The following POLR1A variants were observed in gnomAD, a reference collection of about 807,000 sequenced individuals.
POLR1A encodes DNA-directed RNA polymerase I subunit RPA1.
A neutral mutation model predicts 205.3 loss-of-function variants in POLR1A; 84 were observed. That is an observed-to-expected ratio of 0.41 (90% CI 0.34 to 0.49). The LOEUF is 0.49. POLR1A is among the 20% of genes least tolerant of loss of function. The pLI, the probability that POLR1A is intolerant of heterozygous loss-of-function variation, is 0.22. For missense variants in POLR1A, 1,645 were observed against 2,204.5 expected (o/e 0.75, Z 5.08); for synonymous variants, 799 against 863.7 (o/e 0.93, Z 1.31).
At position 86,069,909 on chromosome 2, in the gene POLR1A, C is replaced by A. The variant is rs569368624; in HGVS notation, c.1866+109G>T. On this transcript the variant is annotated intron_variant, in intron 13 of 33. Transcript: ENST00000263857. ...AGAAACCAGGACCCTCCATTCCAGG[C>A]GCCCCTGTCCTGGAGCTGCCCAATG... The A allele has an allele frequency of 5.6e-4, 665 of 1,188,600 alleles. 7 individuals are homozygous for A. Among genetic ancestry groups the A allele is most frequent in the Middle Eastern group, 2.9e-4 (1 of 3,404 alleles). The allele number at this position is 1,188,600 out of a possible 1,614,324, so 73.6% of individuals were successfully genotyped here. A position where few individuals can be genotyped will look rare whatever the true frequency, so the allele number is the denominator to read the frequency against.
At position 86,025,318 on chromosome 2, in the gene POLR1A, TAAG is replaced by T. The variant is rs1690241975; in HGVS notation, c.*2102_*2104del. The T allele has an allele frequency of 6.6e-6, 1 of 152,248 alleles. No homozygotes were observed. Among genetic ancestry groups the T allele is most frequent in the Non-Finnish European group, 1.5e-5 (1 of 68,042 alleles). The allele number at this position is 152,248 out of a possible 1,614,324, so 9.4% of individuals were successfully genotyped here. A position where few individuals can be genotyped will look rare whatever the true frequency, so the allele number is the denominator to read the frequency against. ...CATCCTCAATGGGCACTTACAGTCC[TAAG>T]AAGACTCCAAAGCCTCTGCCATCTT... On this transcript the variant is annotated 3_prime_UTR_variant, in exon 34 of 34. Coordinates refer to ENST00000263857, the MANE Select transcript of POLR1A (RefSeq NM_015425.6).
intron 31 of POLR1A, among the ~76,000 whole-genome samples, chr2:86,029,391 A>C (rs1364374121): frequency 6.6e-6 from 1 of 152,068 alleles, no homozygotes; most frequent in Non-Finnish European, 1.5e-5. Flanking sequence ...CTGTGGGGGA[A>C]ACCCAGAAAG....
chr2:86,104,533 C>A (rs1364074710), intron 1 of POLR1A, among the ~76,000 whole-genome samples: 1 of 151,578 alleles, frequency 6.6e-6, no homozygotes, highest in South Asian at 2.1e-4. Flanking sequence ...CTGCAACCTC[C>A]GCCTCCTGGG....
chr2:86,049,126 T>A (rs745556141), intron 17 of POLR1A, 34 bp downstream of exon 17: 37 of 1,609,998 alleles, frequency 2.3e-5, no homozygotes, highest in Non-Finnish European at 3.1e-5. Flanking sequence ...TTCACCCCTC[T>A]AGGGCAGGCC....
At chr2:86,039,284 C>T (rs1326530264) in intron 26 of POLR1A, 43 bp downstream of exon 26, 9 of 1,607,674 alleles carry the variant, frequency 5.6e-6, no homozygotes, top group Non-Finnish European at 7.6e-6. Context: ...GATATAGGAA[C>T]ATGCCTTCAC....
chr2:86,082,001 T>G (rs1673412166), intron 7 of POLR1A, among the ~76,000 whole-genome samples: 1 of 152,022 alleles, frequency 6.6e-6, no homozygotes, highest in African/African-American at 2.4e-5. Flanking sequence ...CCAGCTAATT[T>G]TTGTATTTTT....
In POLR1A at chr2:86,030,310, C is replaced by G. The variant is rs373607912; in HGVS notation, c.4665G>C (p.Ala1555=). 6.2e-7 allele frequency: 1 copy of G among 1,613,902 alleles called. No homozygotes were observed. Among genetic ancestry groups the G allele is most frequent in the South Asian group, 1.1e-5 (1 of 91,068 alleles). ...GGAGGCACCGAGTGATGCCCTTGGTCGCATAGATGACGGCACCATGGGCCA... is the reference window on the plus strand; with the variant it reads ...GGAGGCACCGAGTGATGCCCTTGGTGGCATAGATGACGGCACCATGGGCCA... ...VSLAHGAVIY[A]TKGITRCLLN... is the part of the protein sequence containing the mutation. Residue 1555 remains alanine, a synonymous_variant, in exon 31 of 34, where the codon GCG becomes GCC. Coordinates refer to ENST00000263857, the MANE Select transcript of POLR1A (RefSeq NM_015425.6).
chr2:86,046,391 A>G (rs1672710016), intron 19 of POLR1A, among the ~76,000 whole-genome samples: 1 of 152,202 alleles, frequency 6.6e-6, no homozygotes, highest in Non-Finnish European at 1.5e-5. Context: ...GGAGAGCAGT[A>G]TATCTAGGTT....
chr2:86,049,230 A>T lies in POLR1A; in HGVS notation c.2405T>A (p.Ile802Asn). Residue 802 changes from isoleucine to asparagine, a missense_variant, in exon 17 of 34, where the codon ATT becomes AAT. By Grantham distance (149) the Ile-to-Asn change is moderately radical. Transcript: ENST00000263857. ...YRGFTLGVEDILVKPKADVKR... is the reference protein window; with the variant it reads ...YRGFTLGVEDNLVKPKADVKR... The stretch of plus-strand genomic sequence containing the variant: ...GACATCTGCCTTTGGCTTCACCAAA[A>T]TGTCTTCCACGCCTGTGAAGTGAAA... 1 of 1,613,636 alleles carries T rather than the reference A, an allele frequency of 6.2e-7. No homozygotes were observed. The highest frequency in any genetic ancestry group is 8.5e-7 in the Non-Finnish European group (1 of 1,179,568).
chr2:86,096,671 G>A (rs1673709256), intron 3 of POLR1A, among the ~76,000 whole-genome samples: 1 of 152,098 alleles, frequency 6.6e-6, no homozygotes, highest in South Asian at 2.1e-4. Flanking sequence ...CATACACTGG[G>A]GAAAAGGACA....
chr2:86,076,133 A>C (rs1326622073), intron 11 of POLR1A, among the ~76,000 whole-genome samples: 2 of 152,234 alleles, frequency 1.3e-5, no homozygotes, highest in African/African-American at 4.8e-5. Flanking sequence ...CGCTCCAAGT[A>C]AAACAAGTTC....
At chr2:86,086,534 G>C (rs1408312344) in intron 6 of POLR1A, among the ~76,000 whole-genome samples, 1 of 152,220 alleles carries the variant, frequency 6.6e-6, no homozygotes, top group Non-Finnish European at 1.5e-5. Context: ...ACATGGTCTG[G>C]TCTGTGTCCT....
intron 14 of POLR1A, among the ~76,000 whole-genome samples, chr2:86,058,576 T>G (rs1350158162): frequency 6.7e-6 from 1 of 150,022 alleles, no homozygotes; most frequent in Non-Finnish European, 1.5e-5. Context: ...CAAGAGGAAC[T>G]GAAGTCTCCT....
intron 22 of POLR1A, 128 bp downstream of exon 22, chr2:86,044,011 A>T: frequency 1.2e-6 from 1 of 807,850 alleles, no homozygotes; most frequent in Non-Finnish European, 2.0e-6. Flanking sequence ...GTGTCTTATA[A>T]ACCCTTCCCA....
chr2:86,090,290 T>C (rs886308754), intron 3 of POLR1A, among the ~76,000 whole-genome samples: 3 of 147,392 alleles, frequency 2.0e-5, no homozygotes, highest in African/African-American at 7.6e-5. Context: ...AGCTACTTGG[T>C]AGGATGATGT....
chr2:86,045,619 G>A lies in POLR1A; in HGVS notation c.2884C>T (p.Pro962Ser), dbSNP rs745843433. 6.8e-6 allele frequency: 11 copies of A among 1,614,130 alleles called. No homozygotes were observed. The Admixed American group carries it at 1.8e-4, about 27-fold the overall frequency. The stretch of plus-strand genomic sequence containing the variant: ...AATGGAAAAACCAAAATACATACAG[G>A]AGGTTTGATGCCGGTGAGGAACCTG... ...TGRFLTGIKPPEFFFHCMAGR... is the reference protein window; with the variant it reads ...TGRFLTGIKPSEFFFHCMAGR... The change falls in exon 20 of 34, where the codon CCT becomes TCT. Residue 962 changes from proline (P) to serine (S), a missense_variant and splice_region_variant. Physicochemically the swap from Pro to Ser is moderately conservative, Grantham distance 74 (BLOSUM62 -1). Coordinates refer to ENST00000263857, the MANE Select transcript of POLR1A (RefSeq NM_015425.6).
In POLR1A at chr2:86,045,684, G is replaced by C; in HGVS notation, c.2819C>G (p.Pro940Arg). ...ASGKSLPCFE[P>R]YEFTPRAGGF... ...ACCAGCCCTGGGGGTGAACTCATAA[G>C]GCTCAAAGCAGGGCAGTGACTTGCC... The change falls in exon 20 of 34, where the codon CCT becomes CGT. Residue 940 changes from proline to arginine, a missense_variant. Pro to Arg is a moderately radical substitution (Grantham distance 103, BLOSUM62 -2). Coordinates refer to ENST00000263857, the MANE Select transcript of POLR1A (RefSeq NM_015425.6). 1 of 1,612,828 alleles carries C rather than the reference G, an allele frequency of 6.2e-7. No individual in the cohort carries two copies. Among genetic ancestry groups the C allele is most frequent in the Non-Finnish European group, 8.5e-7 (1 of 1,179,666 alleles).
At position 86,100,111 on chromosome 2, in the gene POLR1A, C is replaced by T. The variant is rs763017681; in HGVS notation, c.139G>A (p.Ala47Thr). The T allele has an allele frequency of 3.1e-6, 5 of 1,614,034 alleles. No homozygotes were observed. Among genetic ancestry groups the T allele is most frequent in the African/African-American group, 2.7e-5 (2 of 74,928 alleles). Residue 47 changes from alanine to threonine, a missense_variant, in exon 2 of 34, where the codon GCA (alanine) becomes ACA (threonine). This residue lies in a region of POLR1A where 330 missense variants were observed against 375.6 expected (regional missense o/e 0.88). Coordinates refer to ENST00000263857, the MANE Select transcript of POLR1A (RefSeq NM_015425.6). ...AAAGCTAAATCGTACAGGCCGTTTG[C>T]CGATGGGTTCCCCAGGCTGTCCAGG... ...RYLDSLGNPS[A>T]NGLYDLALGP...
rs1439027673 is a variant in POLR1A, at chr2:86,070,525, C to A, written c.1612-253G>T. ...TCAGAAGTATAAGGAACAAATAAGACCACAGGTCTTTGTCTTCTTCAGAGA... is the reference window on the plus strand; with the variant it reads ...TCAGAAGTATAAGGAACAAATAAGAACACAGGTCTTTGTCTTCTTCAGAGA... On this transcript the variant is annotated intron_variant, in intron 12 of 33. Coordinates refer to ENST00000263857, the MANE Select transcript of POLR1A (RefSeq NM_015425.6). The surrounding 1 kb of genome is among the most constrained non-coding windows in gnomAD (Gnocchi z 4.4). Among the ~76,000 whole-genome samples, 2 of 152,096 alleles carry A rather than the reference C, an allele frequency of 1.3e-5. No homozygotes were observed. The highest frequency in any genetic ancestry group is 2.9e-5 in the Non-Finnish European group (2 of 68,026).
Sources: allele counts gnomAD v4.1 joint callset (sites outside exome capture counted in the v4.1 genomes callset), GRCh38; gene constraint gnomAD v4.1.1; regional missense constraint gnomAD v4.1.1; non-coding constraint Gnocchi (gnomAD v3.1); transcripts MANE v1.5; gene names NCBI Gene and HGNC (gene_info 2026-07-23, HGNC 2026-07-21).